The following ASTN2 variants were observed in gnomAD, a reference collection of about 807,000 sequenced individuals.
ASTN2 encodes astrotactin 2.
Under a neutral mutation model 139.8 loss-of-function variants are expected in ASTN2, and 54 were observed. The ratio of observed to expected loss-of-function variants is 0.39; its 90% CI spans 0.31 to 0.48. The LOEUF is 0.48. ASTN2 is among the 20% of genes least tolerant of loss of function. ASTN2 has a pLI of 0.95. For synonymous variants in ASTN2, 756 were observed against 719.5 expected (o/e 1.05, Z -0.81); for missense variants, 1,565 against 1,725.1 (o/e 0.91, Z 1.64).
intron 16 of ASTN2, among the ~76,000 whole-genome samples, chr9:116,707,341 G>C (rs1440241584): frequency 3.1e-5 from 4 of 127,172 alleles, no homozygotes; most frequent in African/African-American, 1.2e-4. Context: ...ATAGGGAAAA[G>C]CATCCATGCT....
At chr9:117,409,099 T>A (rs1272520674) in intron 1 of ASTN2, among the ~76,000 whole-genome samples, 1 of 152,144 alleles carries the variant, frequency 6.6e-6, no homozygotes, top group Non-Finnish European at 1.5e-5. Flanking sequence ...GGTGACCAAA[T>A]GAAGAAATAA....
At chr9:116,513,467 T>A (rs1057303557) in intron 19 of ASTN2, among the ~76,000 whole-genome samples, 7 of 151,990 alleles carry the variant, frequency 4.6e-5, no homozygotes, top group Admixed American at 3.3e-4. Flanking sequence ...GTGAATCTGA[T>A]AATTATGTGT....
chr9:117,017,062 A>G (rs1418872761), intron 6 of ASTN2, among the ~76,000 whole-genome samples: 1 of 151,858 alleles, frequency 6.6e-6, no homozygotes, highest in Non-Finnish European at 1.5e-5. Context: ...TCTGGACAAA[A>G]AAGGTTTGAA....
chr9:116,615,790 G>A lies in ASTN2; in HGVS notation c.3355+2534C>T, dbSNP rs551754709. 4.5e-3 allele frequency among the ~76,000 whole-genome samples: 687 copies of A among 151,334 alleles called. 4 individuals carry two copies. Among genetic ancestry groups the A allele is most frequent in the African/African-American group, 0.016 (653 of 41,194 alleles). On this transcript the variant is annotated intron_variant, in intron 19 of 22. Coordinates refer to ENST00000313400, the MANE Select transcript of ASTN2 (RefSeq NM_001365068.1). ...ACCTAATGTAAATGATGAGTTAATG[G>A]GTACAGCACACCAACATGGCACATG...
intron 16 of ASTN2, among the ~76,000 whole-genome samples, chr9:116,675,035 G>A (rs948094167): frequency 5.9e-5 from 9 of 152,146 alleles, no homozygotes; most frequent in Non-Finnish European, 1.2e-4. Flanking sequence ...CCCCTGGGCA[G>A]TTACAAATTC....
At chr9:116,581,527 C>T (rs747481224) in intron 19 of ASTN2, among the ~76,000 whole-genome samples, 3 of 152,146 alleles carry the variant, frequency 2.0e-5, no homozygotes, top group Non-Finnish European at 2.9e-5. Context: ...CACCTTTAAC[C>T]CGACAACCCC....
chr9:117,124,177 C>A (rs978510645), intron 4 of ASTN2, among the ~76,000 whole-genome samples: 5 of 152,126 alleles, frequency 3.3e-5, no homozygotes, highest in Admixed American at 3.3e-4. Context: ...GGGCAGAGAT[C>A]TGAACTGGGA....
chr9:116,680,892 C>T (rs2132019564), intron 16 of ASTN2, among the ~76,000 whole-genome samples: 1 of 152,236 alleles, frequency 6.6e-6, no homozygotes, highest in Middle Eastern at 3.4e-3. Flanking sequence ...CAAGAGCTAT[C>T]TATGACAAAC....
intron 2 of ASTN2, among the ~76,000 whole-genome samples, chr9:117,281,827 C>T (rs532213436): frequency 2.0e-5 from 3 of 152,304 alleles, no homozygotes; most frequent in African/African-American, 7.2e-5. Flanking sequence ...TTCTCAGATC[C>T]ACAGTGCTGG....
At chr9:116,876,342 A>T (rs1833296386) in intron 10 of ASTN2, among the ~76,000 whole-genome samples, 2 of 152,228 alleles carry the variant, frequency 1.3e-5, no homozygotes, top group African/African-American at 4.8e-5. Context: ...CTTCTTGTGG[A>T]GGAGCAAAGA....
chr9:117,139,603 T>G (rs1830027294), intron 4 of ASTN2, among the ~76,000 whole-genome samples: 1 of 152,236 alleles, frequency 6.6e-6, no homozygotes, highest in Non-Finnish European at 1.5e-5. Flanking sequence ...AGATTAAGAA[T>G]TAGACATCCT....
At chr9:116,492,446 C>T (rs10817898) in intron 19 of ASTN2, among the ~76,000 whole-genome samples, 78,119 of 151,896 alleles carry the variant, frequency 0.51, 21,800 homozygotes, top group South Asian at 0.68. Flanking sequence ...GATATCTTTT[C>T]ATCCAAGCTT....
intron 10 of ASTN2, among the ~76,000 whole-genome samples, chr9:116,952,344 T>A (rs868817516): frequency 6.6e-6 from 1 of 152,190 alleles, no homozygotes; most frequent in Non-Finnish European, 1.5e-5. Flanking sequence ...CCAGAGAGTA[T>A]AAGGCTGGCC....
intron 20 of ASTN2, among the ~76,000 whole-genome samples, chr9:116,467,329 C>T (rs755438362): frequency 2.6e-5 from 4 of 151,996 alleles, no homozygotes; most frequent in African/African-American, 7.2e-5. Flanking sequence ...TGCAGTGGTG[C>T]GATCTTGGCT....
chr9:116,457,618 A>G (rs967473174), intron 20 of ASTN2, among the ~76,000 whole-genome samples: 1 of 152,224 alleles, frequency 6.6e-6, no homozygotes, highest in Non-Finnish European at 1.5e-5. Context: ...ATCATTGATC[A>G]TCAGAGAAAT....
At chr9:117,096,326 C>T (rs1470871519) in intron 4 of ASTN2, among the ~76,000 whole-genome samples, 175 bp from the exon 5 acceptor site, 1 of 152,168 alleles carries the variant, frequency 6.6e-6, no homozygotes, top group East Asian at 1.9e-4. Flanking sequence ...TGAAGCAGAT[C>T]TTGGGTCCAA....
At chr9:116,773,900 A>T (rs1370198945) in intron 13 of ASTN2, among the ~76,000 whole-genome samples, 1 of 152,180 alleles carries the variant, frequency 6.6e-6, no homozygotes, top group Non-Finnish European at 1.5e-5. Context: ...ATTGTTCCCA[A>T]ATTAGCCCTA....
intron 10 of ASTN2, among the ~76,000 whole-genome samples, chr9:116,918,030 T>C (rs1026031279): frequency 9.2e-5 from 14 of 152,112 alleles, no homozygotes; most frequent in Admixed American, 7.9e-4. Context: ...TCTGATGGGT[T>C]TATCAGGGGT....
chr9:116,907,948 C>G (rs1047340317), intron 10 of ASTN2, among the ~76,000 whole-genome samples: 2 of 152,166 alleles, frequency 1.3e-5, no homozygotes. Context: ...CCACACCCAA[C>G]AGTAAGACTA....
Sources: gnomAD v4.1 joint callset for allele counts (sites outside exome capture counted in the v4.1 genomes callset) on GRCh38, gnomAD v4.1.1 for gene constraint, MANE v1.5 for transcripts, NCBI Gene and HGNC (gene_info 2026-07-23, HGNC 2026-07-21) for gene names.